Variants in POU6F1 observed in about 807,000 individuals in gnomAD.
POU6F1 encodes POU domain, class 6, transcription factor 1.
In POU6F1, 9 loss-of-function variants were observed where a neutral mutation model predicts 28.9. The ratio of observed to expected loss-of-function variants is 0.31; its 90% confidence interval spans 0.19 to 0.54. The LOEUF is 0.54. POU6F1 is among the 20% of genes least tolerant of loss of function. The pLI is 0.94. For synonymous variants in POU6F1, 173 were observed against 171.1 expected, an observed-to-expected ratio of 1.01 and a Z score of -0.09; for missense variants, 338 against 426.1, an observed-to-expected ratio of 0.79 and a Z score of 1.82.
intron 1 of POU6F1, among the ~76,000 whole-genome samples, chr12:51,208,458 G>T (rs369840178): frequency 6.6e-6 from 1 of 152,214 alleles, no homozygotes; most frequent in Admixed American, 6.5e-5. Flanking sequence ...CCCTGGGGGC[G>T]TGGGGAATGG....
chr12:51,191,498 G>A (rs944714629), intron 10 of POU6F1, 98 bp downstream of exon 10: 12 of 1,376,278 alleles, frequency 8.7e-6, no homozygotes, highest in East Asian at 4.7e-5. Flanking sequence ...GAGCAAGGGG[G>A]CATATGGAAA....
At chr12:51,213,844 C>T (rs116281175) in intron 1 of POU6F1, among the ~76,000 whole-genome samples, 2,959 of 151,244 alleles carry the variant, frequency 0.02, 105 homozygotes, top group African/African-American at 0.068. Context: ...ATTTCGTTAT[C>T]TTTAAAATGG....
chr12:51,190,253 G>A lies in POU6F1; in HGVS notation c.1830C>T (p.Ile610=), dbSNP rs544611750. ...KNTSKLNVFQ[I]P ...CAGGGCCAGGGGCTGAGCCCTAAGG[G>A]ATCTGAAAGACGTTCAGCTTGCTGG... The change falls in exon 11 of 11, where the codon ATC becomes ATT. Residue 610 remains isoleucine, a synonymous_variant. Transcript: ENST00000333640. The surrounding 1 kb of genome is among the most constrained non-coding windows in gnomAD (Gnocchi z 4.5). The A allele has an allele frequency of 9.7e-5, 157 of 1,614,018 alleles. No homozygotes were observed. Among genetic ancestry groups the A allele is most frequent in the Admixed American group, 1.7e-4 (10 of 60,028 alleles).
At chr12:51,205,196 C>T (rs1044485565) in intron 2 of POU6F1, among the ~76,000 whole-genome samples, 11 of 152,084 alleles carry the variant, frequency 7.2e-5, no homozygotes, top group Admixed American at 2.6e-4. Context: ...CCCACCACCA[C>T]GCCCGGCTAA....
At chr12:51,203,341 T>C (rs888595636) in intron 3 of POU6F1, among the ~76,000 whole-genome samples, 1 of 152,176 alleles carries the variant, frequency 6.6e-6, no homozygotes, top group South Asian at 2.1e-4. Context: ...CTATGCTGAA[T>C]GGAAGGAGTG....
intron 5 of POU6F1, 113 bp downstream of exon 5, chr12:51,198,437 G>A (rs1942991022): frequency 2.5e-6 from 1 of 398,256 alleles, no homozygotes; most frequent in African/African-American, 2.1e-5. Flanking sequence ...CCAGACTCCA[G>A]GGCGGTTGCC....
rs775469790 is a variant in POU6F1 at position 51,192,309 on chromosome 12, ACTT to A, written c.1321+18_1321+20del. The A allele has an allele frequency of 2.5e-6, 4 of 1,612,564 alleles. No individual in the cohort carries two copies. Among genetic ancestry groups the A allele is most frequent in the Admixed American group, 1.7e-5 (1 of 59,900 alleles). On this transcript the variant is annotated intron_variant, in intron 9 of 10. Transcript: ENST00000333640. ...AAATGCCTCCCCACTTCTCCACACT[ACTT>A]CTCCAGGAGCCACTTACTGGACACC...
Position 51,190,101 on chromosome 12 carries a change from G to T in POU6F1, c.*146C>A. On this transcript the variant is annotated 3_prime_UTR_variant, in exon 11 of 11. Coordinates refer to ENST00000333640, the MANE Select transcript of POU6F1 (RefSeq NM_001330422.2). The surrounding 1 kb of genome is among the most constrained non-coding windows in gnomAD (Gnocchi z 4.5). ...ATGTGTGGGAGAAAAGAGGGACATT[G>T]ATGCACATGCACACGGTGGAGTCTG... The T allele has an allele frequency of 2.2e-6, 3 of 1,350,822 alleles. No homozygotes were observed. The highest frequency in any genetic ancestry group is 2.9e-6 in the Non-Finnish European group (3 of 1,017,830). The allele number at this position is 1,350,822 out of a possible 1,614,324, so 83.7% of individuals were successfully genotyped here. A position where few individuals can be genotyped will look rare whatever the true frequency, so the allele number is the denominator to read the frequency against.
At chr12:51,205,033 G>GTTTTTTT (rs1565624178) in intron 2 of POU6F1, among the ~76,000 whole-genome samples, 30 of 140,784 alleles carry the variant, frequency 2.1e-4, no homozygotes, top group African/African-American at 7.2e-4. Flanking sequence ...CTGGACTGCA[G>GTTTTTTT]CTTTTTTTTT....
chr12:51,193,520 A>G (rs150116609), intron 8 of POU6F1, among the ~76,000 whole-genome samples: 2,154 of 152,220 alleles, frequency 0.014, 48 homozygotes, highest in African/African-American at 0.048. Flanking sequence ...AGATTGCAGT[A>G]AGCCGAGAGA....
At position 51,199,305 on chromosome 12, in the gene POU6F1, A is replaced by G. The variant is rs2137142810; in HGVS notation, c.366+442T>C. Among the ~76,000 whole-genome samples the G allele has an allele frequency of 6.6e-6, 1 of 152,276 alleles. No homozygotes were observed. Among genetic ancestry groups the G allele is most frequent in the East Asian group, 1.9e-4 (1 of 5,188 alleles). On this transcript the variant is annotated intron_variant, in intron 4 of 10. Coordinates refer to ENST00000333640, the MANE Select transcript of POU6F1 (RefSeq NM_001330422.2). This position sits in a 1 kb window ranked among gnomAD's most constrained non-coding sequence, Gnocchi z 4.1. ...CCTTGGAGTCAGGGAATGTAGCGAA[A>G]GGGACAGGGAGCTCTGCCTGCCTGC...
In POU6F1 at chr12:51,205,818, C is replaced by CTT. The variant is rs779988625; in HGVS notation, c.48+969_48+970dup. On this transcript the variant is annotated intron_variant, in intron 2 of 10. Coordinates refer to ENST00000333640, the MANE Select transcript of POU6F1 (RefSeq NM_001330422.2). ...GAGAAATTCATCTTTTCTTTTCTTT[C>CTT]TTTTTTTTTTTTTTTTTGTAGACAG... Among the ~76,000 whole-genome samples, 75 of 135,994 alleles carry CTT rather than the reference C, an allele frequency of 5.5e-4. No individual in the cohort carries two copies. In the East Asian group the frequency reaches 8.1e-3, roughly 15 times the overall value. 89.2% of individuals were successfully genotyped at this position (135,994 alleles called of 152,430 possible). A position where few individuals can be genotyped will look rare whatever the true frequency, so the allele number is the denominator to read the frequency against.
chr12:51,199,774 C>CT lies in POU6F1; in HGVS notation c.338_339insA (p.Pro114AlafsTer166). 1 of 399,186 alleles carries CT rather than the reference C, an allele frequency of 2.5e-6. No individual in the cohort carries two copies. The highest frequency in any genetic ancestry group is 3.6e-5 in the East Asian group (1 of 28,070). 24.7% of individuals were successfully genotyped at this position (399,186 alleles called of 1,614,324 possible). Reference sequence around the variant, plus strand: ...GGGGGGCAGCTTGTACAGCCAGTGGCGTCAGGGTCTGCGATGCCTGAGGCT... The same window carrying CT: ...GGGGGGCAGCTTGTACAGCCAGTGGCTGTCAGGGTCTGCGATGCCTGAGGCT... On this transcript the variant is annotated frameshift_variant, in exon 4 of 11. Transcript: ENST00000333640. LOFTEE classifies it high-confidence loss of function. The surrounding 1 kb of genome is among the most constrained non-coding windows in gnomAD (Gnocchi z 4.1).
intron 2 of POU6F1, among the ~76,000 whole-genome samples, chr12:51,205,900 GC>G (rs1943571607): frequency 6.8e-6 from 1 of 147,150 alleles, no homozygotes; most frequent in Non-Finnish European, 1.5e-5. Flanking sequence ...CTCACTGCAA[GC>G]TCCACCTCCT....
rs1318609238 is a variant in POU6F1 at position 51,206,804 on chromosome 12, C to T, written c.33G>A (p.Leu11=). MDPGAGSETS[L]TVNEQVIVMS... Reference sequence around the variant, plus strand: ...CAGAAGATACCTGCTCATTGACAGTCAGAGATGTCTCTGACCCGGCTCCAG... The same window carrying T: ...CAGAAGATACCTGCTCATTGACAGTTAGAGATGTCTCTGACCCGGCTCCAG... The change falls in exon 2 of 11, where the codon CTG becomes CTA. Residue 11 remains leucine (L), a synonymous_variant. Transcript: ENST00000333640. 1 of 398,692 alleles carries T rather than the reference C, an allele frequency of 2.5e-6. No homozygotes were observed. Among genetic ancestry groups the T allele is most frequent in the Non-Finnish European group, 4.4e-6 (1 of 226,088 alleles). 24.7% of individuals were successfully genotyped at this position (398,692 alleles called of 1,614,324 possible). A position where few individuals can be genotyped will look rare whatever the true frequency, so the allele number is the denominator to read the frequency against.
chr12:51,198,357 G>C (rs1458203791), intron 5 of POU6F1, among the ~76,000 whole-genome samples, 193 bp downstream of exon 5: 2 of 152,348 alleles, frequency 1.3e-5, no homozygotes, highest in South Asian at 4.1e-4. Flanking sequence ...TGCGGGGCCA[G>C]CGTGGCGTCA....
intron 1 of POU6F1, among the ~76,000 whole-genome samples, chr12:51,215,723 C>T (rs1040104811): frequency 6.6e-6 from 1 of 152,100 alleles, no homozygotes; most frequent in African/African-American, 2.4e-5. Context: ...GCCTCATGAA[C>T]CCTCATTTTG....
intron 9 of POU6F1, among the ~76,000 whole-genome samples, chr12:51,192,046 G>A (rs1201944831): frequency 2.0e-5 from 3 of 152,146 alleles, no homozygotes; most frequent in African/African-American, 7.2e-5. Context: ...ACACTTGTTG[G>A]TCACCCACAT....
intron 9 of POU6F1, 95 bp downstream of exon 9, chr12:51,192,235 C>G: frequency 6.7e-7 from 1 of 1,501,438 alleles, no homozygotes; most frequent in Non-Finnish European, 9.1e-7. Context: ...CCCCTCTGGA[C>G]CCCAGGATAT....
Sources: gnomAD v4.1 joint callset for allele counts (sites outside exome capture counted in the v4.1 genomes callset) on GRCh38, gnomAD v4.1.1 for gene constraint, Gnocchi (gnomAD v3.1) non-coding constraint, MANE v1.5 for transcripts, NCBI Gene and HGNC (gene_info 2026-07-23, HGNC 2026-07-21) for gene names.